MCU: variants seen among roughly 807,000 people sequenced by gnomAD.
MCU encodes mitochondrial calcium uniporter.
A neutral mutation model predicts 45.2 loss-of-function variants in MCU; 12 were observed. The observed-to-expected ratio is 0.27, with a 90% CI of 0.17 to 0.43. The LOEUF (loss-of-function observed/expected upper bound fraction) is 0.43. MCU is among the 20% of genes least tolerant of loss of function. The pLI is 1.00. For synonymous variants in MCU, 160 were observed against 165.1 expected (o/e 0.97, Z 0.24); for missense variants, 324 against 436.7 (o/e 0.74, Z 2.30).
intron 1 of MCU, among the ~76,000 whole-genome samples, chr10:72,828,700 G>T (rs1844834013): frequency 6.6e-6 from 1 of 152,080 alleles, no homozygotes; most frequent in Admixed American, 6.5e-5. Flanking sequence ...AGTAAATTTT[G>T]ACTTGAATTT....
intron 1 of MCU, among the ~76,000 whole-genome samples, chr10:72,764,908 C>T (rs943659189): frequency 6.6e-6 from 1 of 151,936 alleles, no homozygotes; most frequent in Admixed American, 6.6e-5. Flanking sequence ...ATTTATAGAA[C>T]AGGAAAACAT....
intron 1 of MCU, among the ~76,000 whole-genome samples, chr10:72,799,102 T>C (rs1011880084): frequency 6.6e-6 from 1 of 152,006 alleles, no homozygotes; most frequent in Admixed American, 6.6e-5. Flanking sequence ...AATTTTTGTA[T>C]TTTTAGTAGA....
chr10:72,812,896 A>T (rs1409189940), intron 1 of MCU, among the ~76,000 whole-genome samples: 2 of 152,172 alleles, frequency 1.3e-5, no homozygotes, highest in Non-Finnish European at 2.9e-5. Context: ...GCAGCTTGAC[A>T]AGTTAATCAT....
intron 1 of MCU, among the ~76,000 whole-genome samples, chr10:72,752,792 T>C (rs1564547108): frequency 6.6e-6 from 1 of 152,214 alleles, no homozygotes; most frequent in Admixed American, 6.5e-5. Context: ...GTTTGGAATT[T>C]ATGGTAATAG....
chr10:72,721,407 T>TC (rs1843019906), intron 1 of MCU, among the ~76,000 whole-genome samples: 1 of 152,128 alleles, frequency 6.6e-6, no homozygotes, highest in South Asian at 2.1e-4. Context: ...AGCAATCTGC[T>TC]CCCCAGTCAA....
chr10:72,863,946 A>G (rs1304084323), intron 4 of MCU, among the ~76,000 whole-genome samples: 1 of 152,238 alleles, frequency 6.6e-6, no homozygotes, highest in African/African-American at 2.4e-5. Context: ...CATAAAATAT[A>G]TACATATCTA....
chr10:72,873,857 T>G (rs1371768354), intron 6 of MCU, among the ~76,000 whole-genome samples: 1 of 152,212 alleles, frequency 6.6e-6, no homozygotes, highest in African/African-American at 2.4e-5. Context: ...TTTAAAAGAT[T>G]GCCTTTTCCC....
chr10:72,760,946 C>G lies in MCU; in HGVS notation c.150+68645C>G, dbSNP rs146794521. On this transcript the variant is annotated intron_variant, in intron 1 of 7. Coordinates refer to ENST00000373053, the MANE Select transcript of MCU (RefSeq NM_138357.3). ...TAGGGCTGAAATTCAAACATAGTCTCTCAGAAGCTTTTAAATTATGTCCTG... is the reference window on the plus strand; with the variant it reads ...TAGGGCTGAAATTCAAACATAGTCTGTCAGAAGCTTTTAAATTATGTCCTG... Among the ~76,000 whole-genome samples, 33 of 152,192 alleles carry G rather than the reference C, an allele frequency of 2.2e-4. 2 individuals carry two copies. The East Asian group carries it at 6.2e-3, about 28-fold the overall frequency.
intron 1 of MCU, among the ~76,000 whole-genome samples, chr10:72,799,329 C>T (rs965488971): frequency 6.6e-6 from 1 of 152,202 alleles, no homozygotes; most frequent in Non-Finnish European, 1.5e-5. Flanking sequence ...AGTGAACATT[C>T]ATTCATTTAA....
At chr10:72,744,889 A>T (rs1843391969) in intron 1 of MCU, among the ~76,000 whole-genome samples, 2 of 152,192 alleles carry the variant, frequency 1.3e-5, no homozygotes, top group South Asian at 4.2e-4. Flanking sequence ...TTGAGATTTA[A>T]TTTTTTTGTT....
rs1181746287 is a variant in MCU at position 72,706,578 on chromosome 10, G to A, written c.150+14277G>A. 4.7e-5 allele frequency among the ~76,000 whole-genome samples: 7 copies of A among 148,482 alleles called. No individual in the cohort carries two copies. In the East Asian group the frequency reaches 7.9e-4, roughly 17 times the overall value. On this transcript the variant is annotated intron_variant, in intron 1 of 7. Transcript: ENST00000373053. The stretch of plus-strand genomic sequence containing the variant: ...TTTTGAGACGGAGTCTCGCTCTGTC[G>A]CCAGGCTGGAGTGCAGTGGCGTGAT...
intron 1 of MCU, among the ~76,000 whole-genome samples, chr10:72,787,072 A>G (rs957244283): frequency 2.0e-5 from 3 of 152,382 alleles, no homozygotes; most frequent in African/African-American, 7.2e-5. Flanking sequence ...TAATAATGTA[A>G]TAAAAATTAT....
At chr10:72,885,632 T>G in intron 7 of MCU, 113 bp from the exon 8 acceptor site, 1 of 696,046 alleles carries the variant, frequency 1.4e-6, no homozygotes, top group Middle Eastern at 3.5e-4. Flanking sequence ...TGAGAGTTAT[T>G]GAGATGATCT....
At chr10:72,851,948 G>A (rs111764348) in intron 2 of MCU, among the ~76,000 whole-genome samples, 18 of 152,272 alleles carry the variant, frequency 1.2e-4, no homozygotes, top group African/African-American at 3.9e-4. Flanking sequence ...GTTAGATTAG[G>A]TGTCTTTCAC....
chr10:72,716,167 A>G (rs1172533403), intron 1 of MCU, among the ~76,000 whole-genome samples: 1 of 152,252 alleles, frequency 6.6e-6, no homozygotes, highest in Non-Finnish European at 1.5e-5. Flanking sequence ...AGTTGTTACA[A>G]CAGAGACTAT....
intron 1 of MCU, among the ~76,000 whole-genome samples, chr10:72,743,657 T>C (rs2132700711): frequency 6.6e-6 from 1 of 152,280 alleles, no homozygotes; most frequent in East Asian, 1.9e-4. Flanking sequence ...ATTAGTGTAT[T>C]ATGAACTTAG....
chr10:72,718,077 A>G (rs1842976274), intron 1 of MCU, among the ~76,000 whole-genome samples: 1 of 152,094 alleles, frequency 6.6e-6, no homozygotes, highest in African/African-American at 2.4e-5. Flanking sequence ...GTTTTTGCCT[A>G]GTGTTCTTTT....
chr10:72,870,533 T>C (rs1238169903), intron 5 of MCU, among the ~76,000 whole-genome samples: 7 of 152,144 alleles, frequency 4.6e-5, no homozygotes, highest in Non-Finnish European at 8.8e-5. Context: ...CCACCTGCCT[T>C]GGCCTCCCAA....
At chr10:72,706,464 A>G (rs1842820877) in intron 1 of MCU, among the ~76,000 whole-genome samples, 1 of 152,056 alleles carries the variant, frequency 6.6e-6, no homozygotes, top group Non-Finnish European at 1.5e-5. Flanking sequence ...TTGGTTTTCC[A>G]GTTATTACAG....
Sources: allele counts gnomAD v4.1 joint callset (sites outside exome capture counted in the v4.1 genomes callset), GRCh38; gene constraint gnomAD v4.1.1; transcripts MANE v1.5; gene names NCBI Gene and HGNC (gene_info 2026-07-23, HGNC 2026-07-21).